The following NTM variants were observed in gnomAD, a reference collection of about 807,000 sequenced individuals.
The protein encoded by NTM is neurotrimin, also known as IgLON family member 2.
Under a neutral mutation model 42.1 loss-of-function variants are expected in NTM, and 13 were observed. The ratio of observed to expected loss-of-function variants is 0.31; its 90% CI spans 0.20 to 0.49. The LOEUF (loss-of-function observed/expected upper bound fraction) is 0.49, where lower values mean the gene tolerates loss of function less well. NTM is among the 20% of genes least tolerant of loss of function. The pLI is 0.99. For missense variants in NTM, 373 were observed against 452.8 expected (o/e 0.82, Z 1.60); for synonymous variants, 187 against 179.2 (o/e 1.04, Z -0.35).
chr11:131,471,997 G>C (rs1008701798), intron 1 of NTM, among the ~76,000 whole-genome samples: 1 of 152,178 alleles, frequency 6.6e-6, no homozygotes, highest in Non-Finnish European at 1.5e-5. Flanking sequence ...ATTCCAACCA[G>C]CCTCCTGAAA....
At chr11:131,588,603 T>C (rs1445475586) in intron 1 of NTM, among the ~76,000 whole-genome samples, 2 of 152,224 alleles carry the variant, frequency 1.3e-5, no homozygotes, top group Non-Finnish European at 2.9e-5. Context: ...AACTTGAGTC[T>C]ACCTAGAACC....
intron 1 of NTM, among the ~76,000 whole-genome samples, chr11:131,888,610 G>C (rs2050764702): frequency 6.6e-6 from 1 of 152,140 alleles, no homozygotes; most frequent in Admixed American, 6.5e-5. Flanking sequence ...TGTCGCAGAT[G>C]TAAAATCCTC....
At chr11:132,104,575 G>GGCC (rs1258234640) in intron 2 of NTM, among the ~76,000 whole-genome samples, 2 of 87,324 alleles carry the variant, frequency 2.3e-5, no homozygotes, top group Admixed American at 1.0e-4. Flanking sequence ...AACATAGTGG[G>GGCC]ACCCCCCCCC....
intron 2 of NTM, among the ~76,000 whole-genome samples, chr11:132,125,261 GATAA>G (rs2065483453): frequency 6.7e-6 from 1 of 150,080 alleles, no homozygotes; most frequent in South Asian, 2.1e-4. Flanking sequence ...TAAAGTAGAA[GATAA>G]ATAATGTACT....
chr11:132,177,311 CTT>C (rs988436936), intron 3 of NTM, among the ~76,000 whole-genome samples: 6 of 152,212 alleles, frequency 3.9e-5, no homozygotes, highest in Non-Finnish European at 8.8e-5. Context: ...GACAGAAACT[CTT>C]TTTCATTCAG....
intron 7 of NTM, chr11:132,317,821 G>C: frequency 2.3e-6 from 1 of 443,864 alleles, no homozygotes. Context: ...TATTGAAGGA[G>C]GTGATTGATT....
At chr11:131,947,055 T>G (rs1391007027) in intron 2 of NTM, among the ~76,000 whole-genome samples, 1 of 152,250 alleles carries the variant, frequency 6.6e-6, no homozygotes, top group Non-Finnish European at 1.5e-5. Flanking sequence ...CATGGATCTG[T>G]ACAGACATTT....
intron 1 of NTM, among the ~76,000 whole-genome samples, chr11:131,383,719 A>C (rs1289000324): frequency 6.6e-6 from 1 of 152,190 alleles, no homozygotes; most frequent in Non-Finnish European, 1.5e-5. Context: ...AAAAGGGTGC[A>C]TTGAAGCGTT....
chr11:131,847,964 C>T (rs937843351), intron 1 of NTM, among the ~76,000 whole-genome samples: 1 of 152,128 alleles, frequency 6.6e-6, no homozygotes, highest in Non-Finnish European at 1.5e-5. Context: ...TGAGACCATC[C>T]TGGAGGCTGG....
At chr11:131,741,376 T>C (rs1484796447) in intron 1 of NTM, among the ~76,000 whole-genome samples, 1 of 152,084 alleles carries the variant, frequency 6.6e-6, no homozygotes, top group African/African-American at 2.4e-5. Context: ...GGGGTCTGAG[T>C]GCCTGAGCAC....
chr11:132,101,769 G>A (rs1372420474), intron 2 of NTM, among the ~76,000 whole-genome samples: 1 of 152,094 alleles, frequency 6.6e-6, no homozygotes, highest in Non-Finnish European at 1.5e-5. Flanking sequence ...CTTAACTGTT[G>A]CCATAATTCA....
At chr11:132,068,101 C>A (rs1400631747) in intron 2 of NTM, among the ~76,000 whole-genome samples, 1 of 152,196 alleles carries the variant, frequency 6.6e-6, no homozygotes, top group Non-Finnish European at 1.5e-5. Flanking sequence ...TACCCATTCC[C>A]TTCAGTTCTA....
intron 4 of NTM, among the ~76,000 whole-genome samples, chr11:132,254,434 G>A (rs1048225131): frequency 5.3e-5 from 8 of 151,222 alleles, no homozygotes; most frequent in South Asian, 4.2e-4. Flanking sequence ...TTTTCCCCAC[G>A]TCTCTGTACA....
intron 2 of NTM, among the ~76,000 whole-genome samples, chr11:131,975,573 T>TA (rs2064208642): frequency 1.3e-5 from 2 of 152,106 alleles, no homozygotes; most frequent in Non-Finnish European, 2.9e-5. Flanking sequence ...AAAACCCCAA[T>TA]AAAAGCTTAA....
At chr11:132,085,758 A>G (rs2059623092) in intron 2 of NTM, among the ~76,000 whole-genome samples, 1 of 152,080 alleles carries the variant, frequency 6.6e-6, no homozygotes, top group South Asian at 2.1e-4. Flanking sequence ...AAGATATTTC[A>G]TTTGCAAATC....
At chr11:132,178,269 ATAAACT>A (rs1217445094) in intron 3 of NTM, among the ~76,000 whole-genome samples, 1 of 152,206 alleles carries the variant, frequency 6.6e-6, no homozygotes, top group African/African-American at 2.4e-5. Flanking sequence ...AGAAGGAAAG[ATAAACT>A]TTAATAATAT....
At chr11:131,893,339 G>A (rs775523947) in intron 1 of NTM, among the ~76,000 whole-genome samples, 17 of 152,274 alleles carry the variant, frequency 1.1e-4, no homozygotes, top group South Asian at 2.1e-4. Flanking sequence ...TTCCTCCTTC[G>A]TAAAGAAGAA....
intron 4 of NTM, among the ~76,000 whole-genome samples, chr11:132,303,950 T>A (rs922671715): frequency 6.6e-6 from 1 of 152,120 alleles, no homozygotes; most frequent in African/African-American, 2.4e-5. Context: ...ATTGTGCAGA[T>A]GAAGATATGG....
At chr11:131,945,520 C>CTA (rs2060250783) in intron 2 of NTM, among the ~76,000 whole-genome samples, 1 of 152,136 alleles carries the variant, frequency 6.6e-6, no homozygotes, top group Non-Finnish European at 1.5e-5. Flanking sequence ...ACATGTAAGC[C>CTA]TATACCCTTC....
Sources: gnomAD v4.1 joint callset for allele counts (sites outside exome capture counted in the v4.1 genomes callset) on GRCh38, gnomAD v4.1.1 for gene constraint, MANE v1.5 for transcripts, NCBI Gene and HGNC (gene_info 2026-07-23, HGNC 2026-07-21) for gene names.